Variants in ADGRL3 observed in about 807,000 individuals in gnomAD.
ADGRL3 encodes the protein calcium-independent alpha-latrotoxin receptor 3.
Under a neutral mutation model 153.5 loss-of-function variants are expected in ADGRL3, and 62 were observed. The observed-to-expected ratio is 0.40, with a 90% CI of 0.33 to 0.50. The LOEUF (loss-of-function observed/expected upper bound fraction) is 0.50. Ranked by LOEUF, ADGRL3 falls within the 20% of genes least tolerant of loss-of-function variation. ADGRL3 has a pLI of 0.47. For missense variants in ADGRL3, 1,641 were observed against 1,859.4 expected, an observed-to-expected ratio of 0.88 and a Z score of 2.16; for synonymous variants, 710 against 672.5, an observed-to-expected ratio of 1.06 and a Z score of -0.86.
At chr4:61,265,377 T>C (rs564226092) in intron 1 of ADGRL3, among the ~76,000 whole-genome samples, 1 of 151,906 alleles carries the variant, frequency 6.6e-6, no homozygotes, top group Non-Finnish European at 1.5e-5. Context: ...AGCTGCCATA[T>C]GCCTGATGAT....
chr4:61,660,057 T>C (rs1429731423), intron 5 of ADGRL3, among the ~76,000 whole-genome samples: 9 of 152,196 alleles, frequency 5.9e-5, no homozygotes, highest in African/African-American at 2.2e-4. Context: ...GGAACACACC[T>C]TAACCAAATG....
intron 9 of ADGRL3, among the ~76,000 whole-genome samples, chr4:61,829,488 C>T (rs1046086964): frequency 6.6e-6 from 1 of 152,066 alleles, no homozygotes; most frequent in African/African-American, 2.4e-5. Flanking sequence ...TATGTTAATG[C>T]CCGTATCTGT....
intron 1 of ADGRL3, among the ~76,000 whole-genome samples, chr4:61,282,704 T>A (rs764977889): frequency 6.6e-6 from 1 of 152,012 alleles, no homozygotes; most frequent in Non-Finnish European, 1.5e-5. Flanking sequence ...TTGTTTTATA[T>A]TGCCTAAAAT....
At chr4:61,945,679 G>A (rs572886443) in intron 15 of ADGRL3, among the ~76,000 whole-genome samples, 118 of 148,166 alleles carry the variant, frequency 8.0e-4, no homozygotes, top group Admixed American at 1.7e-3. Flanking sequence ...GCAATATTCG[G>A]GTGGGAGTGA....
At chr4:61,354,169 C>G (rs1417193927) in intron 1 of ADGRL3, among the ~76,000 whole-genome samples, 1 of 152,142 alleles carries the variant, frequency 6.6e-6, no homozygotes, top group Non-Finnish European at 1.5e-5. Context: ...AATATAATCT[C>G]ATTTCATAGA....
intron 2 of ADGRL3, among the ~76,000 whole-genome samples, chr4:61,454,925 T>C (rs1051969999): frequency 2.0e-5 from 3 of 152,148 alleles, no homozygotes; most frequent in African/African-American, 7.2e-5. Context: ...CCAACTTTCA[T>C]ATTGGAAATT....
Position 62,073,760 on chromosome 4 carries a change from C to T in ADGRL3, c.*2852C>T, listed in dbSNP as rs531760946. ...ACACAAACTGGTGCAGAAGAACATT[C>T]AGCATATAAAGTTACTACCAAGCTC... On this transcript the variant is annotated 3_prime_UTR_variant, in exon 27 of 27. Transcript: ENST00000683033. 1 of 152,164 alleles carries T rather than the reference C, an allele frequency of 6.6e-6. No individual in the cohort carries two copies. Among genetic ancestry groups the T allele is most frequent in the Non-Finnish European group, 1.5e-5 (1 of 67,994 alleles). The allele number at this position is 152,164 out of a possible 1,614,324, so 9.4% of individuals were successfully genotyped here. A position where few individuals can be genotyped will look rare whatever the true frequency, so the allele number is the denominator to read the frequency against.
chr4:61,480,469 C>A (rs961145236), intron 2 of ADGRL3, among the ~76,000 whole-genome samples: 4 of 150,598 alleles, frequency 2.7e-5, no homozygotes, highest in Non-Finnish European at 5.9e-5. Flanking sequence ...AATTCCATAG[C>A]AAAAAAAAAT....
At chr4:61,897,311 A>T (rs1359236803) in intron 11 of ADGRL3, among the ~76,000 whole-genome samples, 1 of 152,210 alleles carries the variant, frequency 6.6e-6, no homozygotes, top group Non-Finnish European at 1.5e-5. Flanking sequence ...AAAACCTTAG[A>T]TTGATTACTC....
intron 3 of ADGRL3, among the ~76,000 whole-genome samples, chr4:61,513,050 ACT>A (rs1303785247): frequency 1.3e-5 from 2 of 152,114 alleles, no homozygotes; most frequent in Non-Finnish European, 2.9e-5. Context: ...AGCCCTGGTA[ACT>A]CTGATAAATA....
chr4:61,343,436 TC>T (rs1232377667), intron 1 of ADGRL3, among the ~76,000 whole-genome samples: 1 of 152,152 alleles, frequency 6.6e-6, no homozygotes, highest in Non-Finnish European at 1.5e-5. Flanking sequence ...TATCCCTCAA[TC>T]ACAGCAGCCT....
chr4:61,646,272 T>C (rs969095319), intron 5 of ADGRL3, among the ~76,000 whole-genome samples: 1 of 152,172 alleles, frequency 6.6e-6, no homozygotes, highest in African/African-American at 2.4e-5. Flanking sequence ...TCTGAAGCCT[T>C]CTTCTCTCAG....
At chr4:61,401,171 T>A (rs2096926193) in intron 2 of ADGRL3, among the ~76,000 whole-genome samples, 1 of 151,812 alleles carries the variant, frequency 6.6e-6, no homozygotes, top group African/African-American at 2.4e-5. Flanking sequence ...TTAAGAAAGT[T>A]ATTTAAACTT....
chr4:61,533,939 T>C (rs2098639216), intron 4 of ADGRL3, among the ~76,000 whole-genome samples: 1 of 152,154 alleles, frequency 6.6e-6, no homozygotes, highest in African/African-American at 2.4e-5. Flanking sequence ...TGCAGGTTTG[T>C]TATATGGGTA....
chr4:61,692,143 T>G (rs552306153), intron 6 of ADGRL3, among the ~76,000 whole-genome samples: 1 of 152,328 alleles, frequency 6.6e-6, no homozygotes, highest in East Asian at 1.9e-4. Context: ...TGCTGTTCAT[T>G]GAACAAGTAC....
chr4:61,456,397 CTA>C (rs1560664211), intron 2 of ADGRL3, among the ~76,000 whole-genome samples: 3 of 90,134 alleles, frequency 3.3e-5, no homozygotes, highest in African/African-American at 8.3e-5. Context: ...ATAGATATAT[CTA>C]TATCTATATA....
intron 5 of ADGRL3, among the ~76,000 whole-genome samples, chr4:61,624,887 A>G (rs2092740887): frequency 6.6e-6 from 1 of 152,128 alleles, no homozygotes; most frequent in Non-Finnish European, 1.5e-5. Flanking sequence ...CAGTTAAGAA[A>G]TCTATTTTTT....
At chr4:61,223,499 G>T (rs1269158178) in intron 1 of ADGRL3, among the ~76,000 whole-genome samples, 1 of 152,230 alleles carries the variant, frequency 6.6e-6, no homozygotes, top group African/African-American at 2.4e-5. Context: ...CAGTGGTTTT[G>T]AAAGTAGGTG....
At chr4:61,898,180 G>A (rs1463302448) in intron 11 of ADGRL3, among the ~76,000 whole-genome samples, 2 of 152,050 alleles carry the variant, frequency 1.3e-5, no homozygotes, top group African/African-American at 4.8e-5. Flanking sequence ...CACCACGTAG[G>A]GCAGAAGGCA....
Sources: gnomAD v4.1 joint callset for allele counts (sites outside exome capture counted in the v4.1 genomes callset) on GRCh38, gnomAD v4.1.1 for gene constraint, MANE v1.5 for transcripts, NCBI Gene and HGNC (gene_info 2026-07-23, HGNC 2026-07-21) for gene names.